The following UGT1A10 variants were observed in gnomAD, a reference collection of about 807,000 sequenced individuals.
The protein encoded by UGT1A10 is UDP-glucuronosyltransferase 1A10.
Under a neutral mutation model 45.8 loss-of-function variants are expected in UGT1A10, and 49 were observed. The observed-to-expected ratio is 1.07, with a 90% CI of 0.85 to 1.36. The LOEUF is 1.36. Among genes scored for constraint, UGT1A10 ranks in the 40% most tolerant of loss-of-function variants. The pLI is 0.00. For synonymous variants in UGT1A10, 284 were observed against 249.7 expected (o/e 1.14, Z -1.29); for missense variants, 745 against 668.6 (o/e 1.11, Z -1.26).
chr2:233,649,922 A>G (rs756901633), intron 1 of UGT1A10, among the ~76,000 whole-genome samples: 48 of 152,014 alleles, frequency 3.2e-4, no homozygotes, highest in African/African-American at 1.1e-3. Flanking sequence ...TGGTAAATCT[A>G]TGTTTCATCT....
chr2:233,689,103 G>C (rs2074926798), intron 1 of UGT1A10, among the ~76,000 whole-genome samples: 1 of 152,120 alleles, frequency 6.6e-6, no homozygotes, highest in Non-Finnish European at 1.5e-5. Context: ...CCTCCCCACT[G>C]CTCCTGGAAC....
At chr2:233,713,509 T>G (rs775377534) in intron 1 of UGT1A10, 50 of 1,613,866 alleles carry the variant, frequency 3.1e-5, no homozygotes, top group Admixed American at 1.5e-4. Flanking sequence ...GTGTTTTTCT[T>G]GAGGAACATT....
At chr2:233,640,052 G>A (rs1291962358) in intron 1 of UGT1A10, among the ~76,000 whole-genome samples, 3 of 152,220 alleles carry the variant, frequency 2.0e-5, no homozygotes, top group Non-Finnish European at 4.4e-5. Context: ...GGGATAGGAT[G>A]TGGTTACAGA....
At chr2:233,650,482 G>A (rs1459731818) in intron 1 of UGT1A10, among the ~76,000 whole-genome samples, 1 of 152,202 alleles carries the variant, frequency 6.6e-6, no homozygotes, top group African/African-American at 2.4e-5. Context: ...TAGAGCATGA[G>A]CAAGATGAAT....
chr2:233,681,853 G>A, intron 1 of UGT1A10: 1 of 1,520,452 alleles, frequency 6.6e-7, no homozygotes, highest in Non-Finnish European at 8.8e-7. Flanking sequence ...CTTCTTTTGA[G>A]GGCAGGTTCT....
Position 233,671,357 on chromosome 2 carries a change from A to C in UGT1A10, c.855+33980A>C, listed in dbSNP as rs45570033. ...GAAGCAGGGTTGTCAGTCTCATTTC[A>C]GCATTTTAGAGGCTTCTCAGGGTTT... On this transcript the variant is annotated intron_variant, in intron 1 of 4. Transcript: ENST00000344644. 2.7e-3 allele frequency among the ~76,000 whole-genome samples: 412 copies of C among 152,314 alleles called. 1 individual carries two copies. Among genetic ancestry groups the C allele is most frequent in the African/African-American group, 9.3e-3 (388 of 41,568 alleles).
chr2:233,728,929 G>A (rs533311965), intron 1 of UGT1A10, among the ~76,000 whole-genome samples: 12 of 142,966 alleles, frequency 8.4e-5, no homozygotes, highest in Admixed American at 6.7e-4. Context: ...AGTCATGATC[G>A]GTCTTTTCCA....
chr2:233,667,448 T>G (rs555953711), intron 1 of UGT1A10, among the ~76,000 whole-genome samples: 1 of 152,176 alleles, frequency 6.6e-6, no homozygotes, highest in South Asian at 2.1e-4. Context: ...AACCTAGGCA[T>G]TACCATTCAG....
intron 1 of UGT1A10, among the ~76,000 whole-genome samples, chr2:233,738,491 G>C (rs113157638): frequency 5.3e-5 from 8 of 152,298 alleles, no homozygotes; most frequent in African/African-American, 1.9e-4. Flanking sequence ...CTTGTTGAAC[G>C]GTTTTGACCA....
intron 1 of UGT1A10, among the ~76,000 whole-genome samples, chr2:233,727,663 T>C (rs1439134101): frequency 6.6e-6 from 1 of 152,170 alleles, no homozygotes; most frequent in Non-Finnish European, 1.5e-5. Context: ...GTGCTCTATG[T>C]CCTTACAAAT....
chr2:233,691,901 C>A (rs1410907796), intron 1 of UGT1A10: 2 of 153,208 alleles, frequency 1.3e-5, no homozygotes, highest in Non-Finnish European at 2.9e-5. Context: ...GACACAGCTC[C>A]TGAAACCATA....
rs28898623 is a variant in UGT1A10, at chr2:233,737,700, C to T, written c.856-29334C>T. On this transcript the variant is annotated intron_variant, in intron 1 of 4. Coordinates refer to ENST00000344644, the MANE Select transcript of UGT1A10 (RefSeq NM_019075.4). ...ATTTGGCCATTGGTGCTGAAGCTTC[C>T]GTTCTCCTCTCCAACACCTCCTTTT... Among the ~76,000 whole-genome samples the T allele has an allele frequency of 1.4e-3, 213 of 152,228 alleles. 1 individual carries two copies. The highest frequency in any genetic ancestry group is 4.8e-3 in the African/African-American group (199 of 41,534).
At chr2:233,772,175 T>G in intron 4 of UGT1A10, 87 bp from the exon 5 acceptor site, 1 of 1,580,518 alleles carries the variant, frequency 6.3e-7, no homozygotes, top group Non-Finnish European at 8.6e-7. Context: ...GAAAATCTGG[T>G]AGTCTTCTTA....
chr2:233,648,403 C>T (rs1391684988), intron 1 of UGT1A10: 1 of 239,480 alleles, frequency 4.2e-6, no homozygotes, highest in Non-Finnish European at 8.6e-6. Context: ...TTCCTACAGT[C>T]CTAGATATGT....
intron 1 of UGT1A10, among the ~76,000 whole-genome samples, chr2:233,724,475 T>C (rs568755731): frequency 9.3e-4 from 64 of 68,704 alleles, no homozygotes; most frequent in Middle Eastern, 7.8e-3. Flanking sequence ...GGCTCCTCAC[T>C]TCTCAGACGG....
chr2:233,696,195 C>T (rs17864691), intron 1 of UGT1A10, among the ~76,000 whole-genome samples: 5,737 of 152,230 alleles, frequency 0.038, 134 homozygotes, highest in Non-Finnish European at 0.059. Flanking sequence ...ATCTGCACTC[C>T]CATGTTTATT....
At chr2:233,732,788 G>T (rs1197919428) in intron 1 of UGT1A10, among the ~76,000 whole-genome samples, 1 of 148,664 alleles carries the variant, frequency 6.7e-6, no homozygotes, top group Non-Finnish European at 1.5e-5. Context: ...GATTGTCTTG[G>T]CAATGCAGGC....
intron 1 of UGT1A10, among the ~76,000 whole-genome samples, chr2:233,725,070 G>T (rs1181179601): frequency 6.9e-6 from 1 of 145,128 alleles, no homozygotes; most frequent in Non-Finnish European, 1.5e-5. Context: ...GCCTGCAATC[G>T]CAGGCACTCG....
intron 1 of UGT1A10, among the ~76,000 whole-genome samples, chr2:233,644,002 T>C (rs2073531768): frequency 6.6e-6 from 1 of 152,160 alleles, no homozygotes; most frequent in Non-Finnish European, 1.5e-5. Context: ...CCGCAAGCTG[T>C]GCATCCTGGG....
Sources: allele counts gnomAD v4.1 joint callset (sites outside exome capture counted in the v4.1 genomes callset), GRCh38; gene constraint gnomAD v4.1.1; transcripts MANE v1.5; gene names NCBI Gene and HGNC (gene_info 2026-07-23, HGNC 2026-07-21).